Variants in NFILZ observed in about 807,000 individuals in gnomAD.
NFILZ encodes the protein NFIL3 like protein.
chr19:8,644,517 C>A (rs1568418613), intron 3 of NFILZ, among the ~76,000 whole-genome samples: 1 of 150,262 alleles, frequency 6.7e-6, no homozygotes, highest in Non-Finnish European at 1.5e-5. Context: ...AGGCTGATTG[C>A]AGTGGAGACC....
intron 3 of NFILZ, among the ~76,000 whole-genome samples, chr19:8,647,605 T>A (rs2042944761): frequency 1.5e-5 from 2 of 137,130 alleles, no homozygotes; most frequent in Non-Finnish European, 3.1e-5. Flanking sequence ...GGGAACGAGA[T>A]CATGTCCTTT....
rs1276049645 is a variant in NFILZ at position 8,680,541 on chromosome 19, G to A, written c.*2906G>A. Among the ~76,000 whole-genome samples, 1 of 152,108 alleles carries A rather than the reference G, an allele frequency of 6.6e-6. No homozygotes were observed. The highest frequency in any genetic ancestry group is 1.5e-5 in the Non-Finnish European group (1 of 68,024). Reference sequence around the variant, plus strand: ...GATAGTCTCCTATCTTTATGTTCCAGGTACTGGGGAAAGAGAAGTGAACAC... The same window carrying A: ...GATAGTCTCCTATCTTTATGTTCCAAGTACTGGGGAAAGAGAAGTGAACAC... On this transcript the variant is annotated 3_prime_UTR_variant, in exon 6 of 6. Coordinates refer to ENST00000691075, the MANE Select transcript of NFILZ (RefSeq NM_001378600.1).
At chr19:8,660,911 A>G (rs1452698361) in intron 3 of NFILZ, among the ~76,000 whole-genome samples, 2 of 144,028 alleles carry the variant, frequency 1.4e-5, no homozygotes, top group African/African-American at 5.2e-5. Context: ...AAGTGCTGGG[A>G]TTACAGGTGT....
At chr19:8,638,807 C>T (rs116145109) in intron 3 of NFILZ, among the ~76,000 whole-genome samples, 135 of 149,064 alleles carry the variant, frequency 9.1e-4, no homozygotes, top group African/African-American at 3.2e-3. Flanking sequence ...GAGGGCAAAG[C>T]AAGTGCAAAG....
At chr19:8,637,203 G>A (rs556730036) in intron 3 of NFILZ, among the ~76,000 whole-genome samples, 52 of 152,046 alleles carry the variant, frequency 3.4e-4, no homozygotes, top group African/African-American at 1.1e-3. Flanking sequence ...CACTCCAGCC[G>A]GGTGTGATGA....
intron 3 of NFILZ, among the ~76,000 whole-genome samples, chr19:8,650,800 T>C (rs2042961754): frequency 6.6e-6 from 1 of 152,222 alleles, no homozygotes; most frequent in African/African-American, 2.4e-5. Flanking sequence ...TTTATTTTCA[T>C]AATTTACGTA....
chr19:8,637,619 A>C (rs2042900548), intron 3 of NFILZ, among the ~76,000 whole-genome samples: 2 of 151,236 alleles, frequency 1.3e-5, no homozygotes, highest in South Asian at 4.2e-4. Flanking sequence ...TCTCAAAAAA[A>C]AAAAAGGCCG....
At chr19:8,661,247 C>T (rs143185153) in intron 3 of NFILZ, among the ~76,000 whole-genome samples, 19,843 of 150,380 alleles carry the variant, frequency 0.13, 1,846 homozygotes, top group Non-Finnish European at 0.21. Context: ...ACTGCAGCCT[C>T]GACCTCCTGG....
At chr19:8,672,066 C>G (rs552517149) in intron 3 of NFILZ, among the ~76,000 whole-genome samples, 9 of 152,200 alleles carry the variant, frequency 5.9e-5, no homozygotes, top group African/African-American at 2.2e-4. Context: ...CATTTACCCA[C>G]GCTTCACTCA....
At chr19:8,675,756 C>G (rs2043107575) in intron 4 of NFILZ, among the ~76,000 whole-genome samples, 1 of 152,162 alleles carries the variant, frequency 6.6e-6, no homozygotes, top group South Asian at 2.1e-4. Context: ...GACAGTCAGA[C>G]CATGCCTCTA....
rs1426166284 is a variant in NFILZ, at chr19:8,677,390, G to C, written c.625G>C (p.Glu209Gln). 6.6e-6 allele frequency: 1 copy of C among 152,506 alleles called. No individual in the cohort carries two copies. The highest frequency in any genetic ancestry group is 1.5e-5 in the Non-Finnish European group (1 of 68,280). The allele number at this position is 152,506 out of a possible 1,614,324, so 9.4% of individuals were successfully genotyped here. A position where few individuals can be genotyped will look rare whatever the true frequency, so the allele number is the denominator to read the frequency against. ...GGAGGGGCATGTAGGGTCCAGACCA[G>C]AGCTCAGACCCTGCTGGGGGCTGTG... ...LLEGHVGSRP[E>Q]LRPCWGLWSP... is the part of the protein sequence containing the mutation. The change falls in exon 6 of 6, where the codon GAG becomes CAG. Residue 209 changes from glutamate (E) to glutamine (Q), a missense_variant. Transcript: ENST00000691075.
At chr19:8,661,009 T>G (rs1381404417) in intron 3 of NFILZ, among the ~76,000 whole-genome samples, 1 of 94,022 alleles carries the variant, frequency 1.1e-5, no homozygotes, top group Non-Finnish European at 2.2e-5. Flanking sequence ...TCCTTTCCCT[T>G]CCCTTTCTTT....
At chr19:8,632,161 G>A (rs970864196) in intron 1 of NFILZ, among the ~76,000 whole-genome samples, 2 of 151,832 alleles carry the variant, frequency 1.3e-5, no homozygotes, top group African/African-American at 2.4e-5. Context: ...GAGCCACCGC[G>A]CCCGGCCGCC....
chr19:8,652,182 C>A (rs947228102), intron 3 of NFILZ, among the ~76,000 whole-genome samples: 3 of 151,590 alleles, frequency 2.0e-5, no homozygotes, highest in African/African-American at 7.3e-5. Flanking sequence ...GGCTCACTGC[C>A]AGCTCCGCTT....
At chr19:8,667,429 G>A (rs1166630348) in intron 3 of NFILZ, among the ~76,000 whole-genome samples, 1 of 152,148 alleles carries the variant, frequency 6.6e-6, no homozygotes. Context: ...TGATATCTGG[G>A]GGGGATTGGT....
intron 3 of NFILZ, among the ~76,000 whole-genome samples, chr19:8,671,982 A>C (rs989676168): frequency 4.6e-5 from 7 of 152,202 alleles, no homozygotes; most frequent in African/African-American, 1.7e-4. Flanking sequence ...GAGAGGACCC[A>C]TTCAGGCTCA....
intron 2 of NFILZ, among the ~76,000 whole-genome samples, chr19:8,634,249 G>A (rs1371604247): frequency 3.3e-5 from 5 of 151,816 alleles, no homozygotes; most frequent in African/African-American, 1.2e-4. Flanking sequence ...CCACCCCCTT[G>A]GTCTCCCAAA....
Position 8,680,074 on chromosome 19 carries a change from T to C in NFILZ, c.*2439T>C, listed in dbSNP as rs1395204634. Among the ~76,000 whole-genome samples the C allele has an allele frequency of 2.0e-5, 3 of 151,494 alleles. No individual in the cohort carries two copies. Among genetic ancestry groups the C allele is most frequent in the African/African-American group, 7.3e-5 (3 of 41,228 alleles). ...AGCCGGGCATGGTAGCGAGCGCCTGTAATCTCAGCTACTTGGGAGGCTGAG... is the reference window on the plus strand; with the variant it reads ...AGCCGGGCATGGTAGCGAGCGCCTGCAATCTCAGCTACTTGGGAGGCTGAG... On this transcript the variant is annotated 3_prime_UTR_variant, in exon 6 of 6. Transcript: ENST00000691075.
At chr19:8,646,533 G>T (rs2042939901) in intron 3 of NFILZ, among the ~76,000 whole-genome samples, 1 of 152,168 alleles carries the variant, frequency 6.6e-6, no homozygotes, top group Admixed American at 6.6e-5. Flanking sequence ...AGTAATGCCA[G>T]AGGCTGCATA....
Sources: allele counts gnomAD v4.1 joint callset (sites outside exome capture counted in the v4.1 genomes callset), GRCh38; gene constraint gnomAD v4.1.1; transcripts MANE v1.5; gene names NCBI Gene and HGNC (gene_info 2026-07-23, HGNC 2026-07-21).